The following ELP2 variants were observed in gnomAD, a reference collection of about 807,000 sequenced individuals.
The protein encoded by ELP2 is elongator complex protein 2.
Under a neutral mutation model 119.2 loss-of-function variants are expected in ELP2, and 90 were observed. That is an observed-to-expected ratio of 0.75 (90% CI 0.64 to 0.90). ELP2 has a LOEUF of 0.90. Among genes scored for constraint, ELP2 ranks in the 40% least tolerant of loss-of-function variants. The pLI, the probability that ELP2 is intolerant of heterozygous loss-of-function variation, is 0.00. For synonymous variants in ELP2, 339 were observed against 331.0 expected (o/e 1.02, Z -0.26); for missense variants, 921 against 967.8 (o/e 0.95, Z 0.64).
chr18:36,154,885 C>G lies in ELP2; in HGVS notation c.1161C>G (p.His387Gln). Reference sequence around the variant, plus strand: ...CTCCAGAGATTGTCATTTCAGGACACTTTGATGGTGTCCAAGACCTAGTCT... The same window carrying G: ...CTCCAGAGATTGTCATTTCAGGACAGTTTGATGGTGTCCAAGACCTAGTCT... ...EWTPEIVISG[H>Q]FDGVQDLVWD... The change falls in exon 12 of 22, where the codon CAC (histidine) becomes CAG (glutamine). Residue 387 changes from histidine (H) to glutamine (Q), a missense_variant. His to Gln is a conservative substitution (Grantham distance 24). Coordinates refer to ENST00000358232, the MANE Select transcript of ELP2 (RefSeq NM_018255.4). 1.9e-6 allele frequency: 3 copies of G among 1,614,116 alleles called. No homozygotes were observed. The highest frequency in any genetic ancestry group is 2.5e-6 in the Non-Finnish European group (3 of 1,179,986).
In ELP2 at chr18:36,158,784, G is replaced by A. The variant is rs750600657; in HGVS notation, c.1465-51G>A. ...ACAGTAACTTTTAGTTTTAAAATTAGCAAATAAAACTTTAGCATTTATAAC... is the reference window on the plus strand; with the variant it reads ...ACAGTAACTTTTAGTTTTAAAATTAACAAATAAAACTTTAGCATTTATAAC... On this transcript the variant is annotated intron_variant, in intron 13 of 21. Coordinates refer to ENST00000358232, the MANE Select transcript of ELP2 (RefSeq NM_018255.4). 15 of 1,290,906 alleles carry A rather than the reference G, an allele frequency of 1.2e-5. No homozygotes were observed. In the African/African-American group the frequency reaches 1.3e-4, roughly 11 times the overall value. The allele number at this position is 1,290,906 out of a possible 1,614,324, so 80.0% of individuals were successfully genotyped here. A position where few individuals can be genotyped will look rare whatever the true frequency, so the allele number is the denominator to read the frequency against.
At chr18:36,164,235 AAAAG>A (rs1305307137) in intron 17 of ELP2, among the ~76,000 whole-genome samples, 1 of 152,154 alleles carries the variant, frequency 6.6e-6, no homozygotes, top group African/African-American at 2.4e-5. Context: ...GAAAAGGAAA[AAAAG>A]AAAGAAAGAA....
intron 11 of ELP2, among the ~76,000 whole-genome samples, chr18:36,148,995 A>T (rs960895951): frequency 6.6e-6 from 1 of 152,264 alleles, no homozygotes; most frequent in Non-Finnish European, 1.5e-5. Flanking sequence ...GTCAGGTTTC[A>T]GAAGGAGTAG....
chr18:36,148,110 T>G (rs1022338341), intron 11 of ELP2, among the ~76,000 whole-genome samples: 1 of 151,086 alleles, frequency 6.6e-6, no homozygotes, highest in Non-Finnish European at 1.5e-5. Context: ...TTTTTTTTTT[T>G]TGAGATGGAG....
chr18:36,152,954 T>C (rs140331123), intron 11 of ELP2, among the ~76,000 whole-genome samples: 2 of 152,338 alleles, frequency 1.3e-5, no homozygotes, highest in East Asian at 1.9e-4. Context: ...TCCCCCACAT[T>C]GACTACCTTC....
At chr18:36,146,476 TAGAGG>T in intron 11 of ELP2, 95 bp downstream of exon 11, 1 of 1,371,814 alleles carries the variant, frequency 7.3e-7, no homozygotes, top group Non-Finnish European at 1.0e-6. Context: ...AGAAACATAG[TAGAGG>T]CACTTGAAGT....
Position 36,138,203 on chromosome 18 carries a change from A to G in ELP2, c.289-67A>G. The G allele has an allele frequency of 5.8e-6, 9 of 1,543,942 alleles. No individual in the cohort carries two copies. The South Asian group carries it at 1.0e-4, about 17-fold the overall frequency. On this transcript the variant is annotated intron_variant, in intron 3 of 21. Transcript: ENST00000358232. ...GCTCAGCCATTTTATTGGCACATTT[A>G]TCCAATTAAATAAAGGTAAAAAAAA...
At chr18:36,142,796 T>G in intron 7 of ELP2, 30 bp from the exon 8 acceptor site, 1 of 1,485,816 alleles carries the variant, frequency 6.7e-7, no homozygotes, top group South Asian at 1.2e-5. Flanking sequence ...TATAATGTTT[T>G]AAAATTAATA....
chr18:36,160,140 T>G, intron 16 of ELP2, 125 bp downstream of exon 16: 1 of 810,742 alleles, frequency 1.2e-6, no homozygotes, highest in Non-Finnish European at 2.1e-6. Context: ...CTCTTCTATA[T>G]ATCTCTTAGT....
intron 8 of ELP2, among the ~76,000 whole-genome samples, chr18:36,143,801 A>T (rs1030474908): frequency 6.6e-6 from 1 of 152,224 alleles, no homozygotes; most frequent in Admixed American, 6.5e-5. Flanking sequence ...ATTGCTGAGG[A>T]TAATGTTTAG....
chr18:36,142,704 G>A, intron 7 of ELP2, 122 bp from the exon 8 acceptor site: 1 of 680,666 alleles, frequency 1.5e-6, no homozygotes, highest in Non-Finnish European at 2.5e-6. Context: ...GGAGGGTAAG[G>A]AAACAAAGTA....
In ELP2 at chr18:36,146,254, G is replaced by T; in HGVS notation, c.998G>T (p.Arg333Leu). The stretch of plus-strand genomic sequence containing the variant: ...TTTCTGTCTGTTATTGTACAGGTTC[G>T]AGTAGGTGAAGTAGGTGGGAATACT... ...EESGVWLEQV[R>L]VGEVGGNTLG... Residue 333 changes from arginine to leucine, a missense_variant, in exon 11 of 22, where the codon CGA (arginine) becomes CTA (leucine). By Grantham distance (102) the Arg-to-Leu change is moderately radical. Transcript: ENST00000358232. The T allele has an allele frequency of 6.2e-7, 1 of 1,614,040 alleles. No individual in the cohort carries two copies. Among genetic ancestry groups the T allele is most frequent in the Non-Finnish European group, 8.5e-7 (1 of 1,179,972 alleles).
intron 19 of ELP2, among the ~76,000 whole-genome samples, chr18:36,169,016 C>G (rs945835146): frequency 2.1e-5 from 3 of 141,556 alleles, no homozygotes; most frequent in Non-Finnish European, 3.0e-5. Flanking sequence ...CCCCCGCCTC[C>G]CAGGTTCAGG....
At chr18:36,142,569 T>C (rs2144629996) in intron 7 of ELP2, among the ~76,000 whole-genome samples, 1 of 152,352 alleles carries the variant, frequency 6.6e-6, no homozygotes, top group South Asian at 2.1e-4. Context: ...CTTGTTCACA[T>C]GCAGACCTTC....
intron 20 of ELP2, chr18:36,170,823 G>C: frequency 1.8e-6 from 1 of 571,334 alleles, no homozygotes; most frequent in Non-Finnish European, 3.1e-6. Flanking sequence ...CTGGCTCATG[G>C]GCCTTGCCAG....
At chr18:36,167,053 AAC>A (rs1362789968) in intron 18 of ELP2, 46 bp from the exon 19 acceptor site, 1 of 1,552,224 alleles carries the variant, frequency 6.4e-7, no homozygotes, top group Middle Eastern at 1.7e-4. Flanking sequence ...AACAGGTAAA[AAC>A]CCAGCTTTCT....
intron 13 of ELP2, among the ~76,000 whole-genome samples, chr18:36,158,244 T>C (rs2090629514): frequency 6.6e-6 from 1 of 152,226 alleles, no homozygotes; most frequent in East Asian, 1.9e-4. Context: ...TGTGCCAGTT[T>C]TGATGGTTAG....
At chr18:36,146,524 T>G (rs1598766811) in intron 11 of ELP2, 143 bp downstream of exon 11, 2 of 857,804 alleles carry the variant, frequency 2.3e-6, no homozygotes, top group East Asian at 5.3e-5. Flanking sequence ...GTAGACATTG[T>G]TAAGGTATTG....
chr18:36,143,260 C>A (rs2090094343), intron 8 of ELP2, among the ~76,000 whole-genome samples: 1 of 151,946 alleles, frequency 6.6e-6, no homozygotes, highest in Admixed American at 6.6e-5. Context: ...GCTGGGATTA[C>A]AGGCACGCAC....
Sources: gnomAD v4.1 joint callset for allele counts (sites outside exome capture counted in the v4.1 genomes callset) on GRCh38, gnomAD v4.1.1 for gene constraint, MANE v1.5 for transcripts, NCBI Gene and HGNC (gene_info 2026-07-23, HGNC 2026-07-21) for gene names.